Variants in RNF215 observed in about 807,000 individuals in gnomAD.
RNF215 encodes the protein ring finger protein 215.
A neutral mutation model predicts 44.8 loss-of-function variants in RNF215; 41 were observed. The observed-to-expected ratio is 0.92, with a 90% CI of 0.71 to 1.19. The LOEUF (loss-of-function observed/expected upper bound fraction) is 1.19, where lower values mean the gene tolerates loss of function less well. RNF215 is among the 50% of genes most tolerant of loss of function. The pLI is 0.00. For synonymous variants in RNF215, 218 were observed against 230.1 expected (o/e 0.95, Z 0.48); for missense variants, 452 against 496.2 (o/e 0.91, Z 0.85).
Position 30,387,124 on chromosome 22 carries a change from C to A in RNF215, c.190G>T (p.Val64Leu), listed in dbSNP as rs1382667878. Residue 64 changes from valine to leucine, a missense_variant, in exon 1 of 9, where the codon GTG (valine) becomes TTG (leucine). Transcript: ENST00000382363. The part of the protein sequence containing the change: ...RGGARAVRVD[V>L]RLPRQDALVL... Reference sequence around the variant, plus strand: ...AGAGCGTCCTGGCGCGGCAGTCTCACGTCCACCCGCACGGCGCGGGCTCCG... The same window carrying A: ...AGAGCGTCCTGGCGCGGCAGTCTCAAGTCCACCCGCACGGCGCGGGCTCCG... The A allele has an allele frequency of 6.7e-7, 1 of 1,493,872 alleles. No homozygotes were observed. The highest frequency in any genetic ancestry group is 8.9e-7 in the Non-Finnish European group (1 of 1,124,758). 92.5% of individuals were successfully genotyped at this position (1,493,872 alleles called of 1,614,324 possible). A position where few individuals can be genotyped will look rare whatever the true frequency, so the allele number is the denominator to read the frequency against.
At chr22:30,385,551 C>T (rs1933586043) in intron 4 of RNF215, among the ~76,000 whole-genome samples, 1 of 151,972 alleles carries the variant, frequency 6.6e-6, no homozygotes, top group African/African-American at 2.4e-5. Context: ...CTTTGGGAGG[C>T]CGAGGCAGGT....
In RNF215 at chr22:30,379,926, C is replaced by T. The variant is rs547448594; in HGVS notation, c.1009-113G>A. Reference sequence around the variant, plus strand: ...GGAACTGAAACCTCACGGCTTCCCCCACCCCCCTGAAATTCTGCTCTGTGG... The same window carrying T: ...GGAACTGAAACCTCACGGCTTCCCCTACCCCCCTGAAATTCTGCTCTGTGG... On this transcript the variant is annotated intron_variant, in intron 7 of 8. Coordinates refer to ENST00000382363, the MANE Select transcript of RNF215 (RefSeq NM_001017981.2). 2.0e-4 allele frequency: 311 copies of T among 1,523,824 alleles called. 4 individuals are homozygous for T. In the Admixed American group the frequency reaches 4.4e-3, roughly 21 times the overall value. 94.4% of individuals were successfully genotyped at this position (1,523,824 alleles called of 1,614,324 possible). A position where few individuals can be genotyped will look rare whatever the true frequency, so the allele number is the denominator to read the frequency against.
intron 5 of RNF215, among the ~76,000 whole-genome samples, chr22:30,382,037 T>C (rs1425232121): frequency 6.6e-6 from 1 of 152,190 alleles, no homozygotes; most frequent in African/African-American, 2.4e-5. Flanking sequence ...GCAGCCCACG[T>C]TGGCCAACAC....
At chr22:30,386,278 G>A in intron 2 of RNF215, 137 bp from the exon 3 acceptor site, 1 of 818,148 alleles carries the variant, frequency 1.2e-6, no homozygotes, top group Non-Finnish European at 1.9e-6. Context: ...AGCTCCTTGA[G>A]GTCAAAGGTG....
intron 5 of RNF215, among the ~76,000 whole-genome samples, chr22:30,383,026 C>T (rs1240599104): frequency 6.6e-6 from 1 of 152,148 alleles, no homozygotes; most frequent in Non-Finnish European, 1.5e-5. Context: ...CACTTGAGCC[C>T]AGGAGGTCGA....
chr22:30,380,074 G>A lies in RNF215; in HGVS notation c.996C>T (p.Phe332=), dbSNP rs1195889181. 1 of 1,613,958 alleles carries A rather than the reference G, an allele frequency of 6.2e-7. No homozygotes were observed. Among genetic ancestry groups the A allele is most frequent in the Non-Finnish European group, 8.5e-7 (1 of 1,179,926 alleles). ...AETCAVCLDY[F]CNKQWLRVLP... is the part of the protein sequence containing the mutation. ...CCGGGGCACTAGCCTGTTTGTTGCA[G>A]AAGTAGTCCAGGCACACCGCACAGG... Residue 332 remains phenylalanine (F), a synonymous_variant, in exon 7 of 9, where the codon TTC becomes TTT. Coordinates refer to ENST00000382363, the MANE Select transcript of RNF215 (RefSeq NM_001017981.2). The surrounding 1 kb of genome is among the most constrained non-coding windows in gnomAD (Gnocchi z 5.3).
In RNF215 at chr22:30,383,234, C is replaced by T. The variant is rs751245752; in HGVS notation, c.744+1105G>A. Among the ~76,000 whole-genome samples the T allele has an allele frequency of 9.2e-5, 14 of 152,248 alleles. No individual in the cohort carries two copies. The East Asian group carries it at 1.9e-3, about 21-fold the overall frequency. On this transcript the variant is annotated intron_variant, in intron 5 of 8. Coordinates refer to ENST00000382363, the MANE Select transcript of RNF215 (RefSeq NM_001017981.2). ...TCAGACACTTTAGTGGCCATGGCCA[C>T]CCAATACTTGGGTTGGGACCACCTT... is the stretch of plus-strand genomic sequence containing the variant.
intron 7 of RNF215, 86 bp downstream of exon 7, chr22:30,379,976 C>G: frequency 6.3e-7 from 1 of 1,585,318 alleles, no homozygotes; most frequent in Non-Finnish European, 8.6e-7. Context: ...GGAGAAGGGC[C>G]TGGTGGTGGT....
intron 2 of RNF215, 138 bp from the exon 3 acceptor site, chr22:30,386,279 G>C (rs1034477027): frequency 6.1e-6 from 5 of 819,288 alleles, no homozygotes; most frequent in African/African-American, 3.4e-5. Context: ...GCTCCTTGAG[G>C]TCAAAGGTGG....
At position 30,380,266 on chromosome 22, in the gene RNF215, T is replaced by TG. The variant is rs1174017712; in HGVS notation, c.864+15dup. 1 of 1,610,812 alleles carries TG rather than the reference T, an allele frequency of 6.2e-7. No individual in the cohort carries two copies. Among genetic ancestry groups the TG allele is most frequent in the Admixed American group, 1.7e-5 (1 of 59,864 alleles). On this transcript the variant is annotated intron_variant, in intron 6 of 8. Coordinates refer to ENST00000382363, the MANE Select transcript of RNF215 (RefSeq NM_001017981.2). The surrounding 1 kb of genome is among the most constrained non-coding windows in gnomAD (Gnocchi z 5.3). Reference sequence around the variant, plus strand: ...AAGGGCTGAGGGTGCTGGGGCTCCCTGGGGCTGGCTCCCACCTGGCCTCCG... The same window carrying TG: ...AAGGGCTGAGGGTGCTGGGGCTCCCTGGGGGCTGGCTCCCACCTGGCCTCCG...
Position 30,386,982 on chromosome 22 carries a change from TGA to T in RNF215, c.285+45_285+46del, listed in dbSNP as rs1166155029. The T allele has an allele frequency of 5.9e-6, 9 of 1,531,348 alleles. No homozygotes were observed. In the East Asian group the frequency reaches 2.0e-4, roughly 33 times the overall value. The allele number at this position is 1,531,348 out of a possible 1,614,324, so 94.9% of individuals were successfully genotyped here. A position where few individuals can be genotyped will look rare whatever the true frequency, so the allele number is the denominator to read the frequency against. The stretch of plus-strand genomic sequence containing the variant: ...AGGGTGCGGGGTCTCTAGGGAGGGT[TGA>T]GAGAGGGGTTTAGTGATGCGGCCAG... On this transcript the variant is annotated intron_variant, in intron 1 of 8. Coordinates refer to ENST00000382363, the MANE Select transcript of RNF215 (RefSeq NM_001017981.2).
chr22:30,380,285 GC>G lies in RNF215; in HGVS notation c.860del (p.Gly287AlafsTer24). 1 of 1,610,650 alleles carries G rather than the reference GC, an allele frequency of 6.2e-7. No individual in the cohort carries two copies. Among genetic ancestry groups the G allele is most frequent in the Non-Finnish European group, 8.5e-7 (1 of 1,178,240 alleles). Reference protein sequence around the residue: ...ASRQSQRELGGQVDLFKRRVV... With the variant: ...ASRQSQRELGXQVDLFKRRVV... Reference sequence around the variant, plus strand: ...GCTCCCTGGGGCTGGCTCCCACCTGGCCTCCGAGCTCCCGCTGGCTCTGCCG... The same window carrying G: ...GCTCCCTGGGGCTGGCTCCCACCTGGCTCCGAGCTCCCGCTGGCTCTGCCG... On this transcript the variant is annotated frameshift_variant, in exon 6 of 9. Coordinates refer to ENST00000382363, the MANE Select transcript of RNF215 (RefSeq NM_001017981.2). LOFTEE classifies it high-confidence loss of function. This position sits in a 1 kb window ranked among gnomAD's most constrained non-coding sequence, Gnocchi z 5.3.
At position 30,380,278 on chromosome 22, in the gene RNF215, C is replaced by T. The variant is rs1304898092; in HGVS notation, c.864+4G>A. Reference sequence around the variant, plus strand: ...TGCTGGGGCTCCCTGGGGCTGGCTCCCACCTGGCCTCCGAGCTCCCGCTGG... The same window carrying T: ...TGCTGGGGCTCCCTGGGGCTGGCTCTCACCTGGCCTCCGAGCTCCCGCTGG... On this transcript the variant is annotated splice_donor_region_variant and intron_variant, in intron 6 of 8. Transcript: ENST00000382363. The surrounding 1 kb of genome is among the most constrained non-coding windows in gnomAD (Gnocchi z 5.3). 6.2e-7 allele frequency: 1 copy of T among 1,610,666 alleles called. No homozygotes were observed. The highest frequency in any genetic ancestry group is 1.3e-5 in the African/African-American group (1 of 74,942).
chr22:30,386,990 G>A (rs1325563272), intron 1 of RNF215, 39 bp downstream of exon 1: 1 of 1,534,684 alleles, frequency 6.5e-7, no homozygotes, highest in Middle Eastern at 2.3e-4. Flanking sequence ...GTTGAGAGAG[G>A]GGTTTAGTGA....
intron 4 of RNF215, among the ~76,000 whole-genome samples, chr22:30,385,212 C>T (rs935894315): frequency 6.6e-6 from 1 of 151,358 alleles, no homozygotes; most frequent in Non-Finnish European, 1.5e-5. Flanking sequence ...ACAAGGTCAG[C>T]AGATCGAGAC....
rs752489171 is a variant in RNF215 at position 30,387,136 on chromosome 22, C to A, written c.178G>T (p.Val60Leu). The A allele has an allele frequency of 2.4e-5, 35 of 1,473,790 alleles. No individual in the cohort carries two copies. In the African/African-American group the frequency reaches 4.3e-4, roughly 18 times the overall value. 91.3% of individuals were successfully genotyped at this position (1,473,790 alleles called of 1,614,324 possible). Residue 60 changes from valine (V) to leucine (L), a missense_variant, in exon 1 of 9, where the codon GTG (valine) becomes TTG (leucine). By Grantham distance (32) the Val-to-Leu change is conservative. Transcript: ENST00000382363. ...CGCGGCAGTCTCACGTCCACCCGCA[C>A]GGCGCGGGCTCCGCCCCGCCCCGCC... ...AGAGRGGARA[V>L]RVDVRLPRQD...
At chr22:30,384,225 A>G in intron 5 of RNF215, 114 bp downstream of exon 5, 1 of 1,188,972 alleles carries the variant, frequency 8.4e-7, no homozygotes, top group South Asian at 1.5e-5. Flanking sequence ...GGGGTGGGAA[A>G]GGCCGTCCTT....
At chr22:30,386,834 G>A (rs950717521) in intron 1 of RNF215, 75 bp from the exon 2 acceptor site, 3 of 1,535,376 alleles carry the variant, frequency 2.0e-6, no homozygotes, top group Admixed American at 3.8e-5. Flanking sequence ...CACAGTGGAT[G>A]CCAAGGCCAG....
intron 4 of RNF215, among the ~76,000 whole-genome samples, chr22:30,385,528 T>A (rs188866333): frequency 0.016 from 2,441 of 151,684 alleles, 33 homozygotes; most frequent in Non-Finnish European, 0.025. Flanking sequence ...GGCTCCTGCC[T>A]GTAATCCCAG....
Sources: allele counts gnomAD v4.1 joint callset (sites outside exome capture counted in the v4.1 genomes callset), GRCh38; gene constraint gnomAD v4.1.1; non-coding constraint Gnocchi (gnomAD v3.1); transcripts MANE v1.5; gene names NCBI Gene and HGNC (gene_info 2026-07-23, HGNC 2026-07-21).